Variants in ZNF142 observed in about 807,000 individuals in gnomAD.
The protein encoded by ZNF142 is zinc finger protein 142 (clone pHZ-49).
A neutral mutation model predicts 132.1 loss-of-function variants in ZNF142; 96 were observed. The ratio of observed to expected loss-of-function variants is 0.73; its 90% CI spans 0.62 to 0.86. The LOEUF is 0.86. Ranked by LOEUF, ZNF142 falls within the 40% of genes least tolerant of loss-of-function variation. The pLI, the probability that ZNF142 is intolerant of heterozygous loss-of-function variation, is 0.00. For missense variants in ZNF142, 2,163 were observed against 2,336.2 expected, an observed-to-expected ratio of 0.93 and a Z score of 1.53; for synonymous variants, 842 against 890.1, an observed-to-expected ratio of 0.95 and a Z score of 0.96.
chr2:218,640,853 T>C (rs1697122563), intron 9 of ZNF142, 84 bp from the exon 10 acceptor site: 1 of 1,078,944 alleles, frequency 9.3e-7, no homozygotes, highest in South Asian at 1.3e-5. Context: ...ATTCTTGCCC[T>C]GTTCTATGCC....
At chr2:218,640,607 T>C in intron 10 of ZNF142, 57 bp downstream of exon 10, 1 of 1,527,176 alleles carries the variant, frequency 6.5e-7, no homozygotes, top group Non-Finnish European at 9.1e-7. Flanking sequence ...TTGGTAAGGT[T>C]AGGTTTGCCA....
intron 7 of ZNF142, 33 bp downstream of exon 7, chr2:218,648,602 A>G: frequency 1.3e-6 from 2 of 1,589,602 alleles, no homozygotes; most frequent in Non-Finnish European, 1.7e-6. Context: ...CATCATTATT[A>G]CAACATTATT....
rs750608774 is a variant in ZNF142 at position 218,650,536 on chromosome 2, C to A, written c.881-10G>T. 3 of 1,556,536 alleles carry A rather than the reference C, an allele frequency of 1.9e-6. No individual in the cohort carries two copies. Among genetic ancestry groups the A allele is most frequent in the Admixed American group, 4.0e-5 (2 of 49,900 alleles). ...GGAGGCAGTTTGGGAGCTGGAGATA[C>A]ATAAAACTTGATAAAGTCTACAGGA... On this transcript the variant is annotated splice_polypyrimidine_tract_variant and intron_variant, in intron 5 of 10. Transcript: ENST00000411696.
At chr2:218,650,226 T>C in intron 6 of ZNF142, 133 bp downstream of exon 6, 1 of 1,080,264 alleles carries the variant, frequency 9.3e-7, no homozygotes, top group Non-Finnish European at 1.3e-6. Context: ...ACCTTGACTT[T>C]TGAGTCAAGG....
Position 218,636,815 on chromosome 2 carries a change from C to T in ZNF142, c.*1524G>A. 3.4e-6 allele frequency: 2 copies of T among 589,842 alleles called. No homozygotes were observed. Among genetic ancestry groups the T allele is most frequent in the African/African-American group, 1.8e-5 (1 of 54,340 alleles). 36.5% of individuals were successfully genotyped at this position (589,842 alleles called of 1,614,324 possible). On this transcript the variant is annotated 3_prime_UTR_variant, in exon 11 of 11. Transcript: ENST00000411696. ...CTTTGGTATCTTTCCTGCCCTTTTC[C>T]TTTGTGTACTCTATACTGGAGTTCC...
intron 4 of ZNF142, among the ~76,000 whole-genome samples, chr2:218,654,150 C>A (rs1938265740): frequency 6.6e-6 from 1 of 152,140 alleles, no homozygotes; most frequent in Non-Finnish European, 1.5e-5. Context: ...CCCTATATAT[C>A]CTCATCCTTG....
At position 218,636,358 on chromosome 2, in the gene ZNF142, T is replaced by G. The variant is rs1696747727; in HGVS notation, c.*1981A>C. The stretch of plus-strand genomic sequence containing the variant: ...GGAAATCCCGAAATGACTTTATTGG[T>G]CAGTACACCCTGCCTTGGACCTGCA... On this transcript the variant is annotated 3_prime_UTR_variant, in exon 11 of 11. Transcript: ENST00000411696. The G allele has an allele frequency of 6.2e-7, 1 of 1,614,002 alleles. No individual in the cohort carries two copies. Among genetic ancestry groups the G allele is most frequent in the East Asian group, 2.2e-5 (1 of 44,880 alleles).
At position 218,636,407 on chromosome 2, in the gene ZNF142, T is replaced by C. The variant is rs1198733565; in HGVS notation, c.*1932A>G. 7.4e-6 allele frequency: 12 copies of C among 1,613,868 alleles called. No homozygotes were observed. The highest frequency in any genetic ancestry group is 3.3e-4 in the Middle Eastern group (2 of 6,084). On this transcript the variant is annotated 3_prime_UTR_variant, in exon 11 of 11. Coordinates refer to ENST00000411696, the MANE Select transcript of ZNF142 (RefSeq NM_001379659.1). ...CATGCAACAAGGTGAGCCAGCCCCTTTGGCCCCTGGCCAATACCCCAGCTC... is the reference window on the plus strand; with the variant it reads ...CATGCAACAAGGTGAGCCAGCCCCTCTGGCCCCTGGCCAATACCCCAGCTC...
rs556339609 is a variant in ZNF142 at position 218,638,555 on chromosome 2, G to C, written c.5448C>G (p.Thr1816=). 6.2e-7 allele frequency: 1 copy of C among 1,610,732 alleles called. No homozygotes were observed. The highest frequency in any genetic ancestry group is 1.1e-5 in the South Asian group (1 of 90,920). The change falls in exon 11 of 11, where the codon ACC becomes ACG. Residue 1816 remains threonine (T), a synonymous_variant. Transcript: ENST00000411696. ...AGLRHHALTH[T]DRHPFFCRLC... ...GGCGGCAAAAGAAGGGGTGGCGGTC[G>C]GTGTGGGTGAGGGCATGATGGCGCA...
In ZNF142 at chr2:218,634,112, G is replaced by A. The variant is rs1336454183; in HGVS notation, c.*4227C>T. On this transcript the variant is annotated 3_prime_UTR_variant, in exon 11 of 11. Transcript: ENST00000411696. This position sits in a 1 kb window ranked among gnomAD's most constrained non-coding sequence, Gnocchi z 4.0. ...CTCTATACCCTTTTACAGGCAATGA[G>A]TTTGTGCAGCACAATACTTGGCAGT... 6.2e-7 allele frequency: 1 copy of A among 1,609,982 alleles called. No homozygotes were observed. The highest frequency in any genetic ancestry group is 8.5e-7 in the Non-Finnish European group (1 of 1,178,118).
Position 218,648,722 on chromosome 2 carries a change from C to T in ZNF142, c.1786G>A (p.Ala596Thr), listed in dbSNP as rs768211657. ...AYQDHVGKMH[A>T]HEKIHQCPEC... ...GGACACTGGTGGATCTTTTCATGAG[C>T]ATGCATCTTGCCTACATGATCCTGG... The change falls in exon 7 of 11, where the codon GCT becomes ACT. Residue 596 changes from alanine to threonine, a missense_variant. This residue lies in a region of ZNF142 where 749 missense variants were observed against 830.3 expected (regional missense o/e 0.90). Transcript: ENST00000411696. 1.9e-6 allele frequency: 3 copies of T among 1,614,244 alleles called. No individual in the cohort carries two copies. In the Admixed American group the frequency reaches 5.0e-5, roughly 27 times the overall value.
At position 218,635,201 on chromosome 2, in the gene ZNF142, G is replaced by C. The variant is rs1283968885; in HGVS notation, c.*3138C>G. On this transcript the variant is annotated 3_prime_UTR_variant, in exon 11 of 11. Transcript: ENST00000411696. ...GAGGGTCACTTTAGCCCAGGAGATG[G>C]AGGTTGCAGTGAGCTATGACTGCCC... Among the ~76,000 whole-genome samples the C allele has an allele frequency of 2.0e-5, 3 of 152,020 alleles. No homozygotes were observed. Among genetic ancestry groups the C allele is most frequent in the African/African-American group, 4.8e-5 (2 of 41,372 alleles).
rs781477564 is a variant in ZNF142, at chr2:218,642,420, G to A, written c.4696C>T (p.Arg1566Ter). 3.0e-5 allele frequency: 49 copies of A among 1,612,860 alleles called. No homozygotes were observed. Among genetic ancestry groups the A allele is most frequent in the African/African-American group, 4.0e-5 (3 of 74,952 alleles). Residue 1566 changes from arginine to a stop codon, truncating the protein, a stop_gained, in exon 9 of 11, where the codon CGA (arginine) becomes TGA (stop). Transcript: ENST00000411696. LOFTEE classifies it high-confidence loss of function. This position sits in a 1 kb window ranked among gnomAD's most constrained non-coding sequence, Gnocchi z 4.6. ...CTCCGGTGCTCATCCAGAGCCAGTC[G>A]GCTAGGGAAGGCCTCCTGGCAGGCC... ...CGACQEAFPS[R>*]LALDEHRRQQ... is the part of the protein sequence containing the mutation.
chr2:218,636,645 C>T lies in ZNF142; in HGVS notation c.*1694G>A. The T allele has an allele frequency of 2.7e-6, 4 of 1,482,628 alleles. No homozygotes were observed. Among genetic ancestry groups the T allele is most frequent in the African/African-American group, 2.8e-5 (2 of 72,146 alleles). The allele number at this position is 1,482,628 out of a possible 1,614,324, so 91.8% of individuals were successfully genotyped here. A position where few individuals can be genotyped will look rare whatever the true frequency, so the allele number is the denominator to read the frequency against. ...GGGGAGAAACATCTGGAAGGATGCT[C>T]GAGAGAACAAATGGAGGTGGTGAAA... is the stretch of plus-strand genomic sequence containing the variant. On this transcript the variant is annotated 3_prime_UTR_variant, in exon 11 of 11. Transcript: ENST00000411696.
chr2:218,649,251 G>C lies in ZNF142; in HGVS notation c.1257C>G (p.His419Gln). The change falls in exon 7 of 11, where the codon CAC (histidine) becomes CAG (glutamine). Residue 419 changes from histidine (H) to glutamine (Q), a missense_variant. This residue lies in a region of ZNF142 where 749 missense variants were observed against 830.3 expected (regional missense o/e 0.90). Transcript: ENST00000411696. ...CACTGTAGTGGCACAGTGGGCAGTG[G>C]TGGGCCTTTTCACCCAGCTCCCGCA... ...HLLRELGEKA[H>Q]HCPLCHYSAV... 6.2e-7 allele frequency: 1 copy of C among 1,614,276 alleles called. No individual in the cohort carries two copies. Among genetic ancestry groups the C allele is most frequent in the East Asian group, 2.2e-5 (1 of 44,884 alleles).
intron 7 of ZNF142, among the ~76,000 whole-genome samples, chr2:218,647,531 T>C (rs929968725): frequency 1.3e-5 from 2 of 150,700 alleles, no homozygotes; most frequent in African/African-American, 2.4e-5. Context: ...AGAGAAATCA[T>C]AGAGCCATTA....
In ZNF142 at chr2:218,652,223, G is replaced by A. The variant is rs1203288109; in HGVS notation, c.358C>T (p.Leu120=). ...QSFAEPTLLA[L]HQCSETHIQP... Reference sequence around the variant, plus strand: ...ATATGGGTCTCACTGCACTGGTGCAGGGCCAGCAGAGTGGGCTCTGCGAAG... The same window carrying A: ...ATATGGGTCTCACTGCACTGGTGCAAGGCCAGCAGAGTGGGCTCTGCGAAG... Residue 120 remains leucine (L), a synonymous_variant, in exon 5 of 11, where the codon CTG becomes TTG. Transcript: ENST00000411696. 2.2e-6 allele frequency: 1 copy of A among 456,814 alleles called. No individual in the cohort carries two copies. Among genetic ancestry groups the A allele is most frequent in the Non-Finnish European group, 4.4e-6 (1 of 227,000 alleles). The allele number at this position is 456,814 out of a possible 1,614,324, so 28.3% of individuals were successfully genotyped here.
At chr2:218,646,905 C>T (rs1229704062) in intron 7 of ZNF142, among the ~76,000 whole-genome samples, 3 of 152,092 alleles carry the variant, frequency 2.0e-5, no homozygotes, top group Non-Finnish European at 4.4e-5. Flanking sequence ...TCAAAACTAG[C>T]TTAAAGTCCA....
At chr2:218,640,898 G>GTT in intron 9 of ZNF142, 129 bp from the exon 10 acceptor site, 1 of 543,768 alleles carries the variant, frequency 1.8e-6, no homozygotes, top group Non-Finnish European at 3.0e-6. Context: ...ATGGAACTTT[G>GTT]TTTTTCTTAA....
Sources: allele counts gnomAD v4.1 joint callset (sites outside exome capture counted in the v4.1 genomes callset), GRCh38; gene constraint gnomAD v4.1.1; regional missense constraint gnomAD v4.1.1; non-coding constraint Gnocchi (gnomAD v3.1); transcripts MANE v1.5; gene names NCBI Gene and HGNC (gene_info 2026-07-23, HGNC 2026-07-21).